The following MTUS2 variants were observed in gnomAD, a reference collection of about 807,000 sequenced individuals.
The protein encoded by MTUS2 is microtubule-associated tumor suppressor candidate 2.
MTUS2 carries 40 observed loss-of-function variants against 114.1 expected under a neutral mutation model. The observed-to-expected ratio is 0.35, with a 90% CI of 0.27 to 0.46. The LOEUF (loss-of-function observed/expected upper bound fraction) is 0.46, where lower values mean the gene tolerates loss of function less well. Ranked by LOEUF, MTUS2 falls within the 20% of genes least tolerant of loss-of-function variation. The pLI is 1.00. For missense variants in MTUS2, 1,679 were observed against 1,705.4 expected (o/e 0.98, Z 0.27); for synonymous variants, 688 against 672.0 (o/e 1.02, Z -0.37).
chr13:28,916,061 T>A (rs545822872), intron 2 of MTUS2, among the ~76,000 whole-genome samples: 1 of 151,962 alleles, frequency 6.6e-6, no homozygotes, highest in African/African-American at 2.4e-5. Context: ...AAAACTTTTT[T>A]CCCCCATTGT....
intron 5 of MTUS2, among the ~76,000 whole-genome samples, chr13:29,219,193 A>G (rs1428871307): frequency 8.7e-4 from 123 of 141,778 alleles, no homozygotes; most frequent in Non-Finnish European, 1.3e-3. Context: ...TCATTGTTCA[A>G]TTTCCACCTA....
At chr13:28,866,347 T>C (rs1302488666) in intron 2 of MTUS2, among the ~76,000 whole-genome samples, 1 of 152,210 alleles carries the variant, frequency 6.6e-6, no homozygotes, top group Admixed American at 6.5e-5. Context: ...GAGCATCCTT[T>C]TCCTGACTTT....
In MTUS2 at chr13:29,324,632, G is replaced by A. The variant is rs778916122; in HGVS notation, c.2826G>A (p.Gln942=). ...STPAGTKKDA[Q]KDQDTNKPAV... ...ACACAGGAACAAAGAAAGATGCTCAGAAAGATCAAGATACGAATAAACCTG... is the reference window on the plus strand; with the variant it reads ...ACACAGGAACAAAGAAAGATGCTCAAAAAGATCAAGATACGAATAAACCTG... Residue 942 remains glutamine (Q), a synonymous_variant, in exon 7 of 16, where the codon CAG becomes CAA. Transcript: ENST00000612955. The A allele has an allele frequency of 2.0e-5, 32 of 1,588,450 alleles. No individual in the cohort carries two copies. The highest frequency in any genetic ancestry group is 1.6e-4 in the Admixed American group (9 of 56,100).
chr13:28,858,900 C>T (rs778712075), intron 2 of MTUS2, among the ~76,000 whole-genome samples: 3 of 152,162 alleles, frequency 2.0e-5, no homozygotes, highest in Non-Finnish European at 4.4e-5. Flanking sequence ...CCAGATCTGT[C>T]AGTTCCTTCT....
At chr13:29,394,045 G>T (rs1403843091) in intron 8 of MTUS2, among the ~76,000 whole-genome samples, 2 of 152,040 alleles carry the variant, frequency 1.3e-5, no homozygotes, top group African/African-American at 4.8e-5. Context: ...TAGTGATTTG[G>T]GAGCCCCAAG....
intron 5 of MTUS2, among the ~76,000 whole-genome samples, chr13:29,193,679 T>A (rs1176424129): frequency 1.3e-5 from 2 of 152,154 alleles, no homozygotes; most frequent in Non-Finnish European, 2.9e-5. Flanking sequence ...CAAGGTAATT[T>A]ATAGATTCAA....
chr13:29,324,485 A>G lies in MTUS2; in HGVS notation c.2807-128A>G, dbSNP rs1055386244. 6.1e-6 allele frequency: 4 copies of G among 658,798 alleles called. No individual in the cohort carries two copies. In the African/African-American group the frequency reaches 7.2e-5, roughly 12 times the overall value. 40.8% of individuals were successfully genotyped at this position (658,798 alleles called of 1,614,324 possible). On this transcript the variant is annotated intron_variant, in intron 6 of 15. Coordinates refer to ENST00000612955, the MANE Select transcript of MTUS2 (RefSeq NM_001033602.4). ...ACAGGGGGTGGTGACCATAGCAACA[A>G]ATCACCCAAATATTTCTTTTGTTGA...
chr13:28,991,017 A>G (rs1416941976), intron 2 of MTUS2, among the ~76,000 whole-genome samples: 1 of 152,238 alleles, frequency 6.6e-6, no homozygotes, highest in Non-Finnish European at 1.5e-5. Flanking sequence ...ACCAGAAGGA[A>G]TAAATTCCGG....
chr13:29,467,804 A>G (rs914711457), intron 9 of MTUS2, among the ~76,000 whole-genome samples: 40 of 152,204 alleles, frequency 2.6e-4, no homozygotes, highest in African/African-American at 8.4e-4. Flanking sequence ...TGAAATGCTT[A>G]TCCTCTAGTT....
In MTUS2 at chr13:29,024,927, G is replaced by C; in HGVS notation, c.229G>C (p.Glu77Gln). The change falls in exon 3 of 16, where the codon GAA becomes CAA. Residue 77 changes from glutamate to glutamine, a missense_variant. Physicochemically the swap from Glu to Gln is conservative, Grantham distance 29 (BLOSUM62 2). Around this residue, in one of 3 missense-constraint regions of MTUS2, gnomAD observed 843 missense variants for 770.8 expected, o/e 1.09. Transcript: ENST00000612955. ...AGAAAACCGTACCCATTTCCATAAG[G>C]AATTTCACCAACTTCAGGGCTTTGG... Reference protein sequence around the residue: ...EPENRTHFHKEFHQLQGFGKG... With the variant: ...EPENRTHFHKQFHQLQGFGKG... 1 of 1,613,790 alleles carries C rather than the reference G, an allele frequency of 6.2e-7. No individual in the cohort carries two copies. Among genetic ancestry groups the C allele is most frequent in the Non-Finnish European group, 8.5e-7 (1 of 1,179,836 alleles).
rs1593487324 is a variant in MTUS2 at position 29,475,389 on chromosome 13, A to C, written c.3185-4761A>C. Among the ~76,000 whole-genome samples the C allele has an allele frequency of 2.0e-5, 3 of 152,236 alleles. No individual in the cohort carries two copies. The East Asian group carries it at 5.8e-4, about 29-fold the overall frequency. Reference sequence around the variant, plus strand: ...TGTATTTACTATGCTATATTTTTATAATTATTTTAGAGGGTGCTCCTTCTA... The same window carrying C: ...TGTATTTACTATGCTATATTTTTATCATTATTTTAGAGGGTGCTCCTTCTA... On this transcript the variant is annotated intron_variant, in intron 9 of 15. Coordinates refer to ENST00000612955, the MANE Select transcript of MTUS2 (RefSeq NM_001033602.4).
chr13:29,211,244 G>C (rs1895417940), intron 5 of MTUS2, among the ~76,000 whole-genome samples: 1 of 152,158 alleles, frequency 6.6e-6, no homozygotes, highest in Admixed American at 6.5e-5. Context: ...AGGTTGCCAG[G>C]GGACTGGGGG....
intron 5 of MTUS2, among the ~76,000 whole-genome samples, chr13:29,110,912 T>C (rs988118928): frequency 6.6e-6 from 1 of 152,188 alleles, no homozygotes; most frequent in Non-Finnish European, 1.5e-5. Context: ...AAAAGAAATA[T>C]GACATATTAG....
At chr13:29,081,740 C>T (rs549790180) in intron 4 of MTUS2, among the ~76,000 whole-genome samples, 44 of 142,040 alleles carry the variant, frequency 3.1e-4, no homozygotes, top group African/African-American at 8.9e-4. Flanking sequence ...ATCTGTAGGG[C>T]GAGAGATTAC....
intron 5 of MTUS2, among the ~76,000 whole-genome samples, chr13:29,110,593 C>T (rs565194434): frequency 1.3e-5 from 2 of 152,216 alleles, no homozygotes; most frequent in Admixed American, 6.5e-5. Context: ...TTAATCTTCC[C>T]AATTATTCCC....
chr13:29,274,309 A>G (rs1315227652), intron 5 of MTUS2, among the ~76,000 whole-genome samples: 1 of 152,000 alleles, frequency 6.6e-6, no homozygotes, highest in Non-Finnish European at 1.5e-5. Context: ...ACGGGGTTTC[A>G]CCGTGTTAGT....
chr13:29,385,903 G>C (rs1360389941), intron 8 of MTUS2, among the ~76,000 whole-genome samples: 1 of 152,238 alleles, frequency 6.6e-6, no homozygotes, highest in Non-Finnish European at 1.5e-5. Context: ...CTGTCTCTCT[G>C]TCTCAAACAG....
At chr13:28,862,346 C>T (rs1340625582) in intron 2 of MTUS2, among the ~76,000 whole-genome samples, 1 of 152,234 alleles carries the variant, frequency 6.6e-6, no homozygotes, top group African/African-American at 2.4e-5. Context: ...CATGGTGGCT[C>T]ACGCCTTTAA....
chr13:28,907,935 T>A (rs1011288452), intron 2 of MTUS2, among the ~76,000 whole-genome samples: 2 of 151,552 alleles, frequency 1.3e-5, no homozygotes, highest in African/African-American at 4.9e-5. Flanking sequence ...GTGAGTAATC[T>A]GAATTGTGTT....
Sources: allele counts gnomAD v4.1 joint callset (sites outside exome capture counted in the v4.1 genomes callset), GRCh38; gene constraint gnomAD v4.1.1; regional missense constraint gnomAD v4.1.1; transcripts MANE v1.5; gene names NCBI Gene and HGNC (gene_info 2026-07-23, HGNC 2026-07-21).